NAV2: variants seen among roughly 807,000 people sequenced by gnomAD.
The protein encoded by NAV2 is helicase, APC down-regulated 1.
Under a neutral mutation model 223.2 loss-of-function variants are expected in NAV2, and 54 were observed. The ratio of observed to expected loss-of-function variants is 0.24; its 90% CI spans 0.19 to 0.30. NAV2 has a LOEUF of 0.30. Among genes scored for constraint, NAV2 ranks in the 10% least tolerant of loss-of-function variants. NAV2 has a pLI of 1.00. For synonymous variants in NAV2, 1,279 were observed against 1,239.3 expected (o/e 1.03, Z -0.67); for missense variants, 2,806 against 3,147.5 (o/e 0.89, Z 2.60).
At chr11:19,698,330 C>A (rs148981247) in intron 1 of NAV2, among the ~76,000 whole-genome samples, 1 of 152,176 alleles carries the variant, frequency 6.6e-6, no homozygotes, top group Non-Finnish European at 1.5e-5. Context: ...GTGTCGGAGG[C>A]CCTCAGTAAA....
At chr11:19,395,544 A>G (rs1273016736) in intron 1 of NAV2, among the ~76,000 whole-genome samples, 1 of 152,222 alleles carries the variant, frequency 6.6e-6, no homozygotes, top group Non-Finnish European at 1.5e-5. Context: ...CCAAGGAGAC[A>G]TCATCTTTGC....
At chr11:19,800,180 T>C (rs4757846) in intron 1 of NAV2, among the ~76,000 whole-genome samples, 69,625 of 152,062 alleles carry the variant, frequency 0.46, 16,480 homozygotes, top group East Asian at 0.7. Flanking sequence ...ACTAGCTAGA[T>C]TGACGTTCCT....
intron 1 of NAV2, among the ~76,000 whole-genome samples, chr11:19,522,484 C>A (rs1005452701): frequency 2.0e-5 from 3 of 152,182 alleles, no homozygotes; most frequent in Non-Finnish European, 2.9e-5. Flanking sequence ...AAGGGGCCAG[C>A]AACAGTGACC....
chr11:19,791,178 C>A (rs914023517), intron 1 of NAV2, among the ~76,000 whole-genome samples: 2 of 152,092 alleles, frequency 1.3e-5, no homozygotes, highest in African/African-American at 4.8e-5. Flanking sequence ...TGTGCCAGGC[C>A]CTGGTTGCAG....
At chr11:19,346,846 A>G (rs982852773), upstream of NAV2, among the ~76,000 whole-genome samples, 1 of 152,190 alleles carries the variant, frequency 6.6e-6, no homozygotes, top group South Asian at 2.1e-4. Context: ...TTATTGATTG[A>G]TTAATGAAAA....
chr11:19,595,878 C>A, intron 1 of NAV2, among the ~76,000 whole-genome samples: 1 of 152,118 alleles, frequency 6.6e-6, no homozygotes, highest in Non-Finnish European at 1.5e-5. Flanking sequence ...TGCATTCTTT[C>A]GAGAAGTTTT....
At chr11:19,449,721 T>C (rs1300032630) in intron 1 of NAV2, among the ~76,000 whole-genome samples, 1 of 152,136 alleles carries the variant, frequency 6.6e-6, no homozygotes, top group Non-Finnish European at 1.5e-5. Flanking sequence ...TGTGTGCCCC[T>C]TGAGGGCAGG....
At position 19,501,105 on chromosome 11, in the gene NAV2, C is replaced by G. The variant is rs1407022814; in HGVS notation, c.75+150078C>G. Among the ~76,000 whole-genome samples, 4 of 152,104 alleles carry G rather than the reference C, an allele frequency of 2.6e-5. No individual in the cohort carries two copies. In the East Asian group the frequency reaches 7.7e-4, roughly 29 times the overall value. ...TCCTTCCATCTTCAAAGTCAGCAAC[C>G]TTGCCTCTCTCTGAACATTCATCTG... On this transcript the variant is annotated intron_variant, in intron 1 of 37. Coordinates refer to the NAV2 transcript ENST00000360655.
rs568915454 is a variant in NAV2 at position 19,523,169 on chromosome 11, C to G, written c.75+172142C>G. 5.3e-5 allele frequency among the ~76,000 whole-genome samples: 8 copies of G among 152,336 alleles called. No homozygotes were observed. In the East Asian group the frequency reaches 1.5e-3, roughly 29 times the overall value. Reference sequence around the variant, plus strand: ...GCTGAAGCTTGTGCTGCTCTGTTGACCATCACTCCACACCCAAGGCCCCCA... The same window carrying G: ...GCTGAAGCTTGTGCTGCTCTGTTGAGCATCACTCCACACCCAAGGCCCCCA... On this transcript the variant is annotated intron_variant, in intron 1 of 37. Transcript: ENST00000360655.
Position 20,121,567 on chromosome 11 carries a change from C to T in NAV2, c.*3309C>T, listed in dbSNP as rs2063472660. 1 of 152,646 alleles carries T rather than the reference C, an allele frequency of 6.6e-6. No homozygotes were observed. Among genetic ancestry groups the T allele is most frequent in the Non-Finnish European group, 1.5e-5 (1 of 68,046 alleles). 9.5% of individuals were successfully genotyped at this position (152,646 alleles called of 1,614,324 possible). A position where few individuals can be genotyped will look rare whatever the true frequency, so the allele number is the denominator to read the frequency against. On this transcript the variant is annotated 3_prime_UTR_variant, in exon 38 of 38. Transcript: ENST00000349880. The stretch of plus-strand genomic sequence containing the variant: ...ATGATTGTACCAGTCTTAAATTATT[C>T]ATGATTCAATAAAATTGATGCTTAT...
At chr11:19,415,473 G>T (rs955422699) in intron 1 of NAV2, among the ~76,000 whole-genome samples, 17 of 152,082 alleles carry the variant, frequency 1.1e-4, no homozygotes, top group African/African-American at 4.1e-4. Context: ...ACTAAAAAAA[G>T]CCCAGGACCC....
At chr11:19,859,869 C>T (rs1465980553) in intron 3 of NAV2, among the ~76,000 whole-genome samples, 7 of 137,144 alleles carry the variant, frequency 5.1e-5, no homozygotes, top group East Asian at 2.3e-4. Context: ...GGGCGGGGGG[C>T]TGACCCCCCC....
chr11:19,987,629 C>T (rs1565708532), intron 11 of NAV2, among the ~76,000 whole-genome samples: 1 of 152,214 alleles, frequency 6.6e-6, no homozygotes, highest in Non-Finnish European at 1.5e-5. Context: ...TTAAAAGTAA[C>T]TGATAAGAAT....
At chr11:19,717,703 A>G (rs2050414428) in intron 1 of NAV2, among the ~76,000 whole-genome samples, 1 of 152,206 alleles carries the variant, frequency 6.6e-6, no homozygotes. Flanking sequence ...TGTGCAGGGT[A>G]GTTGTGAGAA....
chr11:19,401,942 A>G (rs774560351), intron 1 of NAV2: 12 of 152,244 alleles, frequency 7.9e-5, no homozygotes, highest in Admixed American at 2.0e-4. Flanking sequence ...TTCTGAGATC[A>G]GACGAGATCG....
intron 1 of NAV2, among the ~76,000 whole-genome samples, chr11:19,581,992 T>G (rs370573084): frequency 5.3e-5 from 8 of 152,154 alleles, no homozygotes; most frequent in Non-Finnish European, 7.4e-5. Flanking sequence ...CAGTGTAAAA[T>G]TGTTCCTATT....
chr11:20,034,899 G>A (rs1007508030), intron 11 of NAV2, among the ~76,000 whole-genome samples: 2 of 152,154 alleles, frequency 1.3e-5, no homozygotes, highest in African/African-American at 4.8e-5. Context: ...AAGCCTCAAA[G>A]AGAGCAATCT....
chr11:20,090,752 G>T, intron 26 of NAV2, 113 bp from the exon 27 acceptor site: 1 of 1,098,090 alleles, frequency 9.1e-7, no homozygotes, highest in Admixed American at 2.3e-5. Context: ...GGAAGCACCA[G>T]GCAGCTGGTT....
At chr11:19,398,759 T>C (rs565574014) in intron 1 of NAV2, among the ~76,000 whole-genome samples, 1 of 152,310 alleles carries the variant, frequency 6.6e-6, no homozygotes, top group East Asian at 1.9e-4. Flanking sequence ...AAGCATTCTG[T>C]TAATCTCCTG....
Sources: gnomAD v4.1 joint callset for allele counts (sites outside exome capture counted in the v4.1 genomes callset) on GRCh38, gnomAD v4.1.1 for gene constraint, MANE v1.5 for transcripts, NCBI Gene and HGNC (gene_info 2026-07-23, HGNC 2026-07-21) for gene names.